Variants in PDGFC observed in about 807,000 individuals in gnomAD.
PDGFC encodes the protein platelet-derived growth factor C.
In PDGFC, 12 loss-of-function variants were observed where a neutral mutation model predicts 35.5. That is an observed-to-expected ratio of 0.34 (90% CI 0.22 to 0.55). PDGFC has a LOEUF of 0.55. Ranked by LOEUF, PDGFC falls within the 20% of genes least tolerant of loss-of-function variation. PDGFC has a pLI of 0.91. For synonymous variants in PDGFC, 159 were observed against 148.8 expected, an observed-to-expected ratio of 1.07 and a Z score of -0.50; for missense variants, 322 against 412.4, an observed-to-expected ratio of 0.78 and a Z score of 1.90.
intron 1 of PDGFC, among the ~76,000 whole-genome samples, chr4:156,958,271 A>T (rs1193304058): frequency 6.6e-6 from 1 of 151,880 alleles, no homozygotes; most frequent in African/African-American, 2.4e-5. Flanking sequence ...ATCCAGTTTA[A>T]ATGCAGGTCT....
intron 1 of PDGFC, among the ~76,000 whole-genome samples, chr4:156,865,689 C>A (rs1462314775): frequency 6.6e-6 from 1 of 152,162 alleles, no homozygotes; most frequent in African/African-American, 2.4e-5. Flanking sequence ...TAATAAAAAT[C>A]GTGAACCCCA....
chr4:156,799,443 A>G (rs1731537274), intron 3 of PDGFC, among the ~76,000 whole-genome samples: 1 of 152,138 alleles, frequency 6.6e-6, no homozygotes, highest in Admixed American at 6.5e-5. Context: ...TTCTCCTCCA[A>G]ACTTACTGTA....
intron 3 of PDGFC, among the ~76,000 whole-genome samples, chr4:156,801,109 C>T (rs1025520231): frequency 1.3e-4 from 20 of 152,210 alleles, no homozygotes; most frequent in African/African-American, 4.6e-4. Flanking sequence ...GATGTCCTTC[C>T]AGACGTTTGC....
At chr4:156,806,850 A>T (rs1379397727) in intron 3 of PDGFC, among the ~76,000 whole-genome samples, 1 of 152,060 alleles carries the variant, frequency 6.6e-6, no homozygotes, top group Non-Finnish European at 1.5e-5. Context: ...TCTATTATAA[A>T]TTACTCCAAA....
At chr4:156,925,856 G>C (rs1054531721) in intron 1 of PDGFC, among the ~76,000 whole-genome samples, 23 of 151,276 alleles carry the variant, frequency 1.5e-4, no homozygotes, top group African/African-American at 4.8e-4. Flanking sequence ...TTTGAGACCA[G>C]CCTGGGCAAC....
At chr4:156,968,761 C>T (rs4146464) in intron 1 of PDGFC, among the ~76,000 whole-genome samples, 14,626 of 152,096 alleles carry the variant, frequency 0.096, 2,137 homozygotes, top group African/African-American at 0.32. Context: ...CTGCTGCCAT[C>T]CTTAACATAG....
chr4:156,857,071 T>G (rs1239247433), intron 1 of PDGFC, among the ~76,000 whole-genome samples: 1 of 150,042 alleles, frequency 6.7e-6, no homozygotes, highest in African/African-American at 2.4e-5. Context: ...CCACTTGATA[T>G]CTGAGGGTTT....
Position 156,891,203 on chromosome 4 carries a change from C to T in PDGFC, c.119-40787G>A, listed in dbSNP as rs1043439313. Among the ~76,000 whole-genome samples, 3 of 135,884 alleles carry T rather than the reference C, an allele frequency of 2.2e-5. No homozygotes were observed. In the Admixed American group the frequency reaches 2.4e-4, roughly 11 times the overall value. The allele number at this position is 135,884 out of a possible 152,430, so 89.1% of individuals were successfully genotyped here. A position where few individuals can be genotyped will look rare whatever the true frequency, so the allele number is the denominator to read the frequency against. ...TAAAAAAAAGGAAAAATGCGTGAACCCGGGAGGCGGAGCTTGCAGTGAGCC... is the reference window on the plus strand; with the variant it reads ...TAAAAAAAAGGAAAAATGCGTGAACTCGGGAGGCGGAGCTTGCAGTGAGCC... On this transcript the variant is annotated intron_variant, in intron 1 of 5. Transcript: ENST00000502773.
chr4:156,894,071 A>G (rs1730576069), intron 1 of PDGFC, among the ~76,000 whole-genome samples: 1 of 152,180 alleles, frequency 6.6e-6, no homozygotes, highest in Non-Finnish European at 1.5e-5. Flanking sequence ...GGTTATACTA[A>G]TTGATCAGCT....
intron 1 of PDGFC, among the ~76,000 whole-genome samples, chr4:156,872,318 G>A (rs1210326136): frequency 6.6e-6 from 1 of 152,162 alleles, no homozygotes; most frequent in Non-Finnish European, 1.5e-5. Flanking sequence ...CAGAAGACAG[G>A]CAAACAAGAC....
chr4:156,956,511 T>A (rs1732214028), intron 1 of PDGFC, among the ~76,000 whole-genome samples: 1 of 152,040 alleles, frequency 6.6e-6, no homozygotes, highest in Non-Finnish European at 1.5e-5. Context: ...ATAAGAAGAT[T>A]ATCTGACATT....
intron 2 of PDGFC, among the ~76,000 whole-genome samples, chr4:156,832,326 G>A (rs565122586): frequency 1.3e-3 from 178 of 141,612 alleles, no homozygotes; most frequent in African/African-American, 4.2e-3. Context: ...GCACGATCTC[G>A]GCTCACCACA....
chr4:156,950,057 TCAATGATTATG>T (rs997449901), intron 1 of PDGFC, among the ~76,000 whole-genome samples: 1 of 151,968 alleles, frequency 6.6e-6, no homozygotes, highest in Non-Finnish European at 1.5e-5. Flanking sequence ...TATGTTTTAA[TCAATGATTATG>T]AAGGGGTCTC....
intron 1 of PDGFC, among the ~76,000 whole-genome samples, chr4:156,896,865 G>A (rs1260426434): frequency 6.6e-6 from 1 of 152,118 alleles, no homozygotes; most frequent in African/African-American, 2.4e-5. Context: ...TACCACATCT[G>A]GAAATAGACC....
chr4:156,822,219 C>T (rs1050795866), intron 2 of PDGFC, among the ~76,000 whole-genome samples: 3 of 151,666 alleles, frequency 2.0e-5, no homozygotes, highest in Non-Finnish European at 4.4e-5. Context: ...ATTAGCCGGG[C>T]GTGGTGGTGG....
intron 1 of PDGFC, among the ~76,000 whole-genome samples, chr4:156,909,129 T>G (rs1398069147): frequency 6.6e-6 from 1 of 152,152 alleles, no homozygotes; most frequent in South Asian, 2.1e-4. Context: ...CTAACGAGTA[T>G]TACTTTTTGA....
intron 3 of PDGFC, among the ~76,000 whole-genome samples, chr4:156,773,471 A>G (rs1275854181): frequency 6.6e-6 from 1 of 152,234 alleles, no homozygotes; most frequent in Non-Finnish European, 1.5e-5. Context: ...AACAAGATTA[A>G]GAGATCGGAG....
intron 3 of PDGFC, among the ~76,000 whole-genome samples, chr4:156,788,909 C>A (rs1731202651): frequency 6.6e-6 from 1 of 152,126 alleles, no homozygotes; most frequent in Non-Finnish European, 1.5e-5. Flanking sequence ...GTTTTATATG[C>A]ACTGATCAAC....
chr4:156,948,618 T>G (rs1362276638), intron 1 of PDGFC, among the ~76,000 whole-genome samples: 1 of 152,004 alleles, frequency 6.6e-6, no homozygotes, highest in East Asian at 1.9e-4. Flanking sequence ...GTTTCTAATA[T>G]AGTAGTAATA....
Sources: gnomAD v4.1 joint callset for allele counts (sites outside exome capture counted in the v4.1 genomes callset) on GRCh38, gnomAD v4.1.1 for gene constraint, MANE v1.5 for transcripts, NCBI Gene and HGNC (gene_info 2026-07-23, HGNC 2026-07-21) for gene names.